Variants in RETREG1 observed in about 807,000 individuals in gnomAD.
The protein encoded by RETREG1 is reticulophagy regulator 1, also known as family with sequence similarity 134 member B.
RETREG1 carries 44 observed loss-of-function variants against 54.8 expected under a neutral mutation model. The observed-to-expected ratio is 0.80, with a 90% CI of 0.63 to 1.03. RETREG1 has a LOEUF of 1.03. RETREG1 is among the 50% of genes least tolerant of loss of function. The pLI is 0.00. For missense variants in RETREG1, 554 were observed against 605.1 expected (o/e 0.92, Z 0.89); for synonymous variants, 217 against 238.5 (o/e 0.91, Z 0.83).
intron 3 of RETREG1, among the ~76,000 whole-genome samples, chr5:16,497,651 T>C (rs1251286350): frequency 6.6e-6 from 1 of 152,154 alleles, no homozygotes. Context: ...AAAGTTTATC[T>C]AAATAAAGAG....
At chr5:16,498,922 G>A (rs1489315486) in intron 3 of RETREG1, among the ~76,000 whole-genome samples, 2 of 152,002 alleles carry the variant, frequency 1.3e-5, no homozygotes, top group East Asian at 1.9e-4. Context: ...TTAGCTTACT[G>A]TAACTTTTTT....
chr5:16,521,765 C>T lies in RETREG1; in HGVS notation c.459-38293G>A, dbSNP rs541234854. Among the ~76,000 whole-genome samples the T allele has an allele frequency of 3.3e-5, 5 of 152,334 alleles. No homozygotes were observed. The South Asian group carries it at 6.2e-4, about 19-fold the overall frequency. ...TGTTACACGTCGATCTTCCTTATTG[C>T]ACTCTGCTGATGTCAGGTTTAAAGG... On this transcript the variant is annotated intron_variant, in intron 3 of 8. Transcript: ENST00000306320.
chr5:16,567,748 G>A (rs1285636128), intron 2 of RETREG1, among the ~76,000 whole-genome samples: 1 of 152,108 alleles, frequency 6.6e-6, no homozygotes, highest in African/African-American at 2.4e-5. Context: ...CTTGAGGCCA[G>A]GAGTTTAAAA....
chr5:16,548,214 C>T (rs1055431910), intron 3 of RETREG1, among the ~76,000 whole-genome samples: 51 of 152,180 alleles, frequency 3.4e-4, no homozygotes, highest in African/African-American at 1.2e-3. Flanking sequence ...CTCACCATGG[C>T]CTTGTGTGGC....
At chr5:16,506,483 T>TTG (rs1554017797) in intron 3 of RETREG1, among the ~76,000 whole-genome samples, 1 of 151,836 alleles carries the variant, frequency 6.6e-6, no homozygotes, top group South Asian at 2.1e-4. Flanking sequence ...TTTTGTTTTT[T>TTG]TTTTTTTTGA....
At chr5:16,525,759 T>A (rs944206303) in intron 3 of RETREG1, among the ~76,000 whole-genome samples, 3 of 101,494 alleles carry the variant, frequency 3.0e-5, no homozygotes, top group African/African-American at 1.0e-4. Context: ...TGTGTATATA[T>A]ATACACAGAG....
At chr5:16,497,789 C>T (rs754197253) in intron 3 of RETREG1, among the ~76,000 whole-genome samples, 1 of 152,150 alleles carries the variant, frequency 6.6e-6, no homozygotes, top group Non-Finnish European at 1.5e-5. Flanking sequence ...CCTCATGATC[C>T]TATTAGAGCT....
intron 3 of RETREG1, among the ~76,000 whole-genome samples, chr5:16,521,195 G>A (rs1301872421): frequency 6.6e-6 from 1 of 152,080 alleles, no homozygotes; most frequent in Non-Finnish European, 1.5e-5. Flanking sequence ...CTATGCCTCT[G>A]ATATGAAGCC....
chr5:16,513,084 G>A (rs1740232925), intron 3 of RETREG1, among the ~76,000 whole-genome samples: 1 of 152,170 alleles, frequency 6.6e-6, no homozygotes, highest in African/African-American at 2.4e-5. Context: ...GAGCAGATTG[G>A]TTCAGAAGTC....
intron 3 of RETREG1, among the ~76,000 whole-genome samples, chr5:16,547,985 T>C (rs1479695958): frequency 6.6e-6 from 1 of 152,126 alleles, no homozygotes; most frequent in Non-Finnish European, 1.5e-5. Flanking sequence ...AATGGGGAGA[T>C]TGGACTTATA....
rs201105918 is a variant in RETREG1, at chr5:16,474,812, C to G, written c.1423G>C (p.Asp475His). The G allele has an allele frequency of 1.2e-6, 2 of 1,613,702 alleles. No homozygotes were observed. The highest frequency in any genetic ancestry group is 1.3e-5 in the African/African-American group (1 of 74,918). The change falls in exon 9 of 9, where the codon GAC becomes CAC. Residue 475 changes from aspartate to histidine, a missense_variant. By Grantham distance (81) the Asp-to-His change is moderately conservative. Transcript: ENST00000306320. ...QIESELGLTQ[D>H]QEAEAQQNKK... ...TTTTGCTGTGCTTCTGCTTCCTGGT[C>G]TTGTGTAAGTCCCAATTCACTCTCA...
chr5:16,546,700 T>C (rs544857590), intron 3 of RETREG1, among the ~76,000 whole-genome samples: 29 of 152,298 alleles, frequency 1.9e-4, no homozygotes, highest in African/African-American at 7.0e-4. Flanking sequence ...GTGGCCTTCT[T>C]CAGTCATCCC....
chr5:16,499,408 G>A (rs921078992), intron 3 of RETREG1, among the ~76,000 whole-genome samples: 3 of 152,174 alleles, frequency 2.0e-5, no homozygotes, highest in African/African-American at 7.2e-5. Flanking sequence ...GTTCTAAGCA[G>A]TAGAAACTAG....
intron 3 of RETREG1, among the ~76,000 whole-genome samples, chr5:16,496,809 A>T (rs149690126): frequency 4.7e-4 from 72 of 152,352 alleles, no homozygotes; most frequent in African/African-American, 1.7e-3. Flanking sequence ...GGTAGAAGCC[A>T]TTAGACACTA....
intron 3 of RETREG1, among the ~76,000 whole-genome samples, chr5:16,492,255 T>C (rs2126535415): frequency 8.3e-6 from 1 of 120,976 alleles, no homozygotes; most frequent in East Asian, 2.5e-4. Flanking sequence ...ACACACACCA[T>C]TCTTGTTAGG....
chr5:16,555,432 G>A lies in RETREG1; in HGVS notation c.458+10331C>T, dbSNP rs181014816. Among the ~76,000 whole-genome samples, 1,109 of 152,316 alleles carry A rather than the reference G, an allele frequency of 7.3e-3. 14 individuals carry two copies. Among genetic ancestry groups the A allele is most frequent in the Non-Finnish European group, 0.012 (784 of 68,024 alleles). On this transcript the variant is annotated intron_variant, in intron 3 of 8. Transcript: ENST00000306320. ...CTCCCAAAGTGCTGGGGATACAAGCGTGAGCCACCACACTTGGCCTGTTTT... is the reference window on the plus strand; with the variant it reads ...CTCCCAAAGTGCTGGGGATACAAGCATGAGCCACCACACTTGGCCTGTTTT...
At chr5:16,576,484 ATTTATTTT>A (rs955018977) in intron 1 of RETREG1, among the ~76,000 whole-genome samples, 1 of 147,858 alleles carries the variant, frequency 6.8e-6, no homozygotes, top group African/African-American at 2.5e-5. Context: ...TTTTTTATTT[ATTTATTTT>A]TTTATTTTTT....
intron 1 of RETREG1, among the ~76,000 whole-genome samples, chr5:16,574,581 G>A (rs1487987970): frequency 6.6e-6 from 1 of 152,168 alleles, no homozygotes; most frequent in Non-Finnish European, 1.5e-5. Context: ...TGTATGGCCT[G>A]GGCCAGCAAA....
At chr5:16,499,610 G>GT in intron 3 of RETREG1, among the ~76,000 whole-genome samples, 1 of 152,310 alleles carries the variant, frequency 6.6e-6, no homozygotes, top group South Asian at 2.1e-4. Context: ...AGTAATATTT[G>GT]TGCACAGCTC....
Sources: allele counts gnomAD v4.1 joint callset (sites outside exome capture counted in the v4.1 genomes callset), GRCh38; gene constraint gnomAD v4.1.1; transcripts MANE v1.5; gene names NCBI Gene and HGNC (gene_info 2026-07-23, HGNC 2026-07-21).